Variants in HS3ST3A1 observed in about 807,000 individuals in gnomAD.
HS3ST3A1 encodes the protein heparan sulfate-glucosamine 3-sulfotransferase 3A1.
In HS3ST3A1, 19 loss-of-function variants were observed where a neutral mutation model predicts 25.7. That is an observed-to-expected ratio of 0.74 (90% CI 0.52 to 1.08). HS3ST3A1 has a LOEUF of 1.08. Among genes scored for constraint, HS3ST3A1 ranks in the 50% least tolerant of loss-of-function variants. HS3ST3A1 has a pLI of 0.00. For missense variants in HS3ST3A1, 459 were observed against 594.3 expected (o/e 0.77, Z 2.37); for synonymous variants, 226 against 278.6 (o/e 0.81, Z 1.88).
chr17:13,501,912 CT>C (rs1265238136), intron 1 of HS3ST3A1, among the ~76,000 whole-genome samples: 1 of 152,208 alleles, frequency 6.6e-6, no homozygotes, highest in Non-Finnish European at 1.5e-5. Context: ...AGGCCATGAG[CT>C]GGCTACATTA....
At chr17:13,582,985 T>C (rs748385691) in intron 1 of HS3ST3A1, among the ~76,000 whole-genome samples, 10 of 152,214 alleles carry the variant, frequency 6.6e-5, no homozygotes, top group South Asian at 4.1e-4. Context: ...TCTCCAGATA[T>C]GAGAGAAAAA....
chr17:13,537,061 TGTCAACTTTGTGCTTCA>T (rs1382850800), intron 1 of HS3ST3A1, among the ~76,000 whole-genome samples: 3 of 152,128 alleles, frequency 2.0e-5, no homozygotes, highest in Admixed American at 6.5e-5. Context: ...TTCTGTATGG[TGTCAACTTTGTGCTTCA>T]GAGCATCCAT....
In HS3ST3A1 at chr17:13,495,855, C is replaced by T. The variant is rs1182202808; in HGVS notation, c.*342G>A. ...AGGATAGATATCAATTTTATCAGGG[C>T]CTTGTATTTTAAAAAAAGAGAGAGA... On this transcript the variant is annotated 3_prime_UTR_variant, in exon 2 of 2. Transcript: ENST00000284110. 1.1e-5 allele frequency: 2 copies of T among 190,150 alleles called. No individual in the cohort carries two copies. Among genetic ancestry groups the T allele is most frequent in the African/African-American group, 2.3e-5 (1 of 42,658 alleles). The allele number at this position is 190,150 out of a possible 1,614,324, so 11.8% of individuals were successfully genotyped here.
intron 1 of HS3ST3A1, among the ~76,000 whole-genome samples, chr17:13,560,319 A>AAAAAAAAAAAAT (rs1907502490): frequency 1.4e-5 from 2 of 143,922 alleles, no homozygotes; most frequent in East Asian, 2.0e-4. Flanking sequence ...AAAAAAAAAA[A>AAAAAAAAAAAAT]GTGTATTACC....
intron 1 of HS3ST3A1, among the ~76,000 whole-genome samples, chr17:13,598,944 ACAGT>A (rs1451909212): frequency 6.6e-6 from 1 of 152,230 alleles, no homozygotes; most frequent in African/African-American, 2.4e-5. Flanking sequence ...GATGTTTCAG[ACAGT>A]CAGCTTGAAA....
intron 1 of HS3ST3A1, among the ~76,000 whole-genome samples, chr17:13,532,056 GGCT>G (rs1567616106): frequency 6.6e-6 from 1 of 151,902 alleles, no homozygotes; most frequent in East Asian, 1.9e-4. Flanking sequence ...TTGAATTAGC[GGCT>G]GGTAGTTAGA....
chr17:13,596,418 TAC>T (rs10535139), intron 1 of HS3ST3A1, among the ~76,000 whole-genome samples: 1,767 of 146,416 alleles, frequency 0.012, 19 homozygotes, highest in African/African-American at 0.025. Context: ...TGCGCGTGCG[TAC>T]ACACACACAC....
chr17:13,548,495 T>C (rs9941385), intron 1 of HS3ST3A1, among the ~76,000 whole-genome samples: 2,984 of 152,300 alleles, frequency 0.02, 106 homozygotes, highest in African/African-American at 0.068. Flanking sequence ...GTCCATTATA[T>C]CCACCATGTG....
At chr17:13,531,268 C>A (rs573255824) in intron 1 of HS3ST3A1, among the ~76,000 whole-genome samples, 1 of 152,130 alleles carries the variant, frequency 6.6e-6, no homozygotes, top group African/African-American at 2.4e-5. Flanking sequence ...AAATCAAGAA[C>A]TCGGGGTTGT....
intron 1 of HS3ST3A1, among the ~76,000 whole-genome samples, chr17:13,552,136 G>C (rs1907262343): frequency 6.6e-6 from 1 of 152,108 alleles, no homozygotes; most frequent in African/African-American, 2.4e-5. Flanking sequence ...CTGGAGTGCA[G>C]TGGCACGATC....
intron 1 of HS3ST3A1, among the ~76,000 whole-genome samples, chr17:13,529,032 C>T (rs759285234): frequency 6.6e-5 from 10 of 152,038 alleles, no homozygotes; most frequent in Non-Finnish European, 1.2e-4. Flanking sequence ...GGTTTGTAGA[C>T]TCTGATAAAG....
chr17:13,601,532 C>G lies in HS3ST3A1; in HGVS notation c.-403G>C, dbSNP rs1322893111. On this transcript the variant is annotated 5_prime_UTR_variant, in exon 1 of 2. Transcript: ENST00000284110. The stretch of plus-strand genomic sequence containing the variant: ...CGAGAGACTTCTCGGCGCGGATCTC[C>G]GCTCAGCGATCCTGCATCACTGGCT... 5.6e-6 allele frequency: 1 copy of G among 177,012 alleles called. No individual in the cohort carries two copies. The highest frequency in any genetic ancestry group is 2.4e-5 in the African/African-American group (1 of 42,246). The allele number at this position is 177,012 out of a possible 1,614,324, so 11.0% of individuals were successfully genotyped here. A position where few individuals can be genotyped will look rare whatever the true frequency, so the allele number is the denominator to read the frequency against.
At chr17:13,556,759 A>G (rs28651899) in intron 1 of HS3ST3A1, among the ~76,000 whole-genome samples, 53,158 of 150,316 alleles carry the variant, frequency 0.35, 11,899 homozygotes, top group African/African-American at 0.65. Context: ...GGCTGAGGCA[A>G]GAGAATCGCT....
At position 13,496,241 on chromosome 17, in the gene HS3ST3A1, T is replaced by C. The variant is rs549318461; in HGVS notation, c.1177A>G (p.Lys393Glu). 3.7e-6 allele frequency: 6 copies of C among 1,600,878 alleles called. No homozygotes were observed. The African/African-American group carries it at 8.1e-5, about 21-fold the overall frequency. ...TCGTGCCCGGTCATCTGGTAGAACT[T>C]GAGGTTGAAAGGCCGGTAGAACTCG... ...LREFYRPFNL[K>E]FYQMTGHDFG... Residue 393 changes from lysine (K) to glutamate (E), a missense_variant, in exon 2 of 2, where the codon AAG becomes GAG. This residue lies in a region of HS3ST3A1 where 46 missense variants were observed against 59.0 expected (regional missense o/e 0.78). Coordinates refer to ENST00000284110, the MANE Select transcript of HS3ST3A1 (RefSeq NM_006042.3).
At chr17:13,507,093 A>T (rs1905708957) in intron 1 of HS3ST3A1, among the ~76,000 whole-genome samples, 1 of 151,806 alleles carries the variant, frequency 6.6e-6, no homozygotes, top group Non-Finnish European at 1.5e-5. Context: ...AAAACAAAAA[A>T]AGATGTCAAA....
At position 13,496,282 on chromosome 17, in the gene HS3ST3A1, A is replaced by G. The variant is rs750761401; in HGVS notation, c.1136T>C (p.Val379Ala). The G allele has an allele frequency of 3.9e-6, 6 of 1,542,024 alleles. No individual in the cohort carries two copies. The African/African-American group carries it at 7.0e-5, about 18-fold the overall frequency. Residue 379 changes from valine (V) to alanine (A), a missense_variant, in exon 2 of 2, where the codon GTG becomes GCG. Val to Ala is a moderately conservative substitution (Grantham distance 64). This residue lies in a region of HS3ST3A1 where 46 missense variants were observed against 59.0 expected (regional missense o/e 0.78). Transcript: ENST00000284110. ...GTAGAACTCGCGCAGCCTGCGCACC[A>G]CCTCGCGGTCGATCTCAGGATGGGT... Reference protein sequence around the residue: ...GRTHPEIDREVVRRLREFYRP... With the variant: ...GRTHPEIDREAVRRLREFYRP...
At chr17:13,535,354 G>T (rs921976561) in intron 1 of HS3ST3A1, among the ~76,000 whole-genome samples, 6 of 152,104 alleles carry the variant, frequency 3.9e-5, no homozygotes, top group African/African-American at 1.4e-4. Context: ...TACACTTAGG[G>T]GCCGTTTTAA....
At chr17:13,593,137 A>G (rs1908473644) in intron 1 of HS3ST3A1, among the ~76,000 whole-genome samples, 1 of 151,188 alleles carries the variant, frequency 6.6e-6, no homozygotes, top group Non-Finnish European at 1.5e-5. Context: ...CCGTGTTGTC[A>G]TCTTTGCCAT....
rs371582876 is a variant in HS3ST3A1 at position 13,542,741 on chromosome 17, C to T, written c.600-45923G>A. Among the ~76,000 whole-genome samples the T allele has an allele frequency of 9.9e-5, 15 of 152,188 alleles. No individual in the cohort carries two copies. In the East Asian group the frequency reaches 1.6e-3, roughly 16 times the overall value. On this transcript the variant is annotated intron_variant, in intron 1 of 1. Transcript: ENST00000284110. Reference sequence around the variant, plus strand: ...TTCTTTGTGAATGTTAATGAGATGACTGGTGGCTGGGGGCTCCTGGATAGC... The same window carrying T: ...TTCTTTGTGAATGTTAATGAGATGATTGGTGGCTGGGGGCTCCTGGATAGC...
Sources: allele counts gnomAD v4.1 joint callset (sites outside exome capture counted in the v4.1 genomes callset), GRCh38; gene constraint gnomAD v4.1.1; regional missense constraint gnomAD v4.1.1; transcripts MANE v1.5; gene names NCBI Gene and HGNC (gene_info 2026-07-23, HGNC 2026-07-21).